ECHDC1: variants seen among roughly 807,000 people sequenced by gnomAD.
ECHDC1 encodes the protein ethylmalonyl-CoA decarboxylase 1.
A neutral mutation model predicts 29.7 loss-of-function variants in ECHDC1; 29 were observed. That is an observed-to-expected ratio of 0.98 (90% confidence interval 0.73 to 1.33). The LOEUF is 1.33. Ranked by LOEUF, ECHDC1 falls within the 40% of genes most tolerant of loss-of-function variation. The probability of loss-of-function intolerance (pLI) is 0.00; values close to 1 mark genes in which losing one functional copy is unlikely to be tolerated. For missense variants in ECHDC1, 328 were observed against 350.0 expected, an observed-to-expected ratio of 0.94 and a Z score of 0.50; for synonymous variants, 126 against 123.1, an observed-to-expected ratio of 1.02 and a Z score of -0.15.
At position 127,288,715 on chromosome 6, in the gene ECHDC1, T is replaced by C. The variant is rs543792350; in HGVS notation, c.*1154A>G. On this transcript the variant is annotated 3_prime_UTR_variant, in exon 6 of 6. Transcript: ENST00000454859. The stretch of plus-strand genomic sequence containing the variant: ...TGAATTCACTTTACACAAAATGTTG[T>C]AGACCACAAAATCCACTTTTATTTG... The C allele has an allele frequency of 3.9e-5, 6 of 155,112 alleles. No individual in the cohort carries two copies. The highest frequency in any genetic ancestry group is 7.4e-5 in the Non-Finnish European group (5 of 67,996). The allele number at this position is 155,112 out of a possible 1,614,324, so 9.6% of individuals were successfully genotyped here.
rs1482345307 is a variant in ECHDC1, at chr6:127,290,213, C to T, written c.562G>A (p.Gly188Ser). ...HKEMGIIPSW[G>S]GTTRLVEIIG... ...ATTTCAACTAGCCGGGTGGTGCCAC[C>T]CCAGCTTGGTATTATGCCCATCTCT... The change falls in exon 6 of 6, where the codon GGT (glycine) becomes AGT (serine). Residue 188 changes from glycine to serine, a missense_variant. Gly to Ser is a moderately conservative substitution (Grantham distance 56, BLOSUM62 0). Coordinates refer to ENST00000454859, the MANE Select transcript of ECHDC1 (RefSeq NM_001002030.2). 1 of 1,613,578 alleles carries T rather than the reference C, an allele frequency of 6.2e-7. No homozygotes were observed. Among genetic ancestry groups the T allele is most frequent in the Non-Finnish European group, 8.5e-7 (1 of 1,179,724 alleles).
chr6:127,316,018 C>G (rs763255870), intron 4 of ECHDC1: 1 of 470,732 alleles, frequency 2.1e-6, no homozygotes, highest in South Asian at 1.5e-5. Context: ...GCTGTAAAAA[C>G]TTTCCAATCC....
intron 5 of ECHDC1, 78 bp from the exon 6 acceptor site, chr6:127,290,355 TG>T: frequency 7.1e-7 from 1 of 1,402,742 alleles, no homozygotes; most frequent in Non-Finnish European, 9.6e-7. Flanking sequence ...ATTCATGATC[TG>T]ATGTGAATTC....
intron 3 of ECHDC1, among the ~76,000 whole-genome samples, chr6:127,316,733 T>C (rs990938329): frequency 6.6e-6 from 1 of 152,012 alleles, no homozygotes; most frequent in Non-Finnish European, 1.5e-5. Context: ...AGCAAAGATG[T>C]AGGGATAAGA....
chr6:127,335,646 T>G (rs1784365301), intron 1 of ECHDC1, among the ~76,000 whole-genome samples: 2 of 152,024 alleles, frequency 1.3e-5, no homozygotes, highest in Admixed American at 1.3e-4. Context: ...AGTCACCAGT[T>G]GCCAGCAGCT....
intron 1 of ECHDC1, among the ~76,000 whole-genome samples, chr6:127,336,307 C>T (rs1464407931): frequency 6.6e-6 from 1 of 152,074 alleles, no homozygotes; most frequent in Non-Finnish European, 1.5e-5. Context: ...CTGCCATATA[C>T]TTAAATAATA....
chr6:127,342,368 C>T (rs548246053), intron 1 of ECHDC1: 7 of 1,548,048 alleles, frequency 4.5e-6, no homozygotes, highest in Middle Eastern at 3.3e-4. Context: ...TGTTTCAATG[C>T]CATGCTTCTT....
intron 5 of ECHDC1, among the ~76,000 whole-genome samples, chr6:127,313,991 T>C (rs893258906): frequency 6.6e-6 from 1 of 152,222 alleles, no homozygotes; most frequent in African/African-American, 2.4e-5. Context: ...GTCAAGTAGA[T>C]AAAAGTGTCA....
At chr6:127,294,029 G>A (rs951740688) in intron 5 of ECHDC1, among the ~76,000 whole-genome samples, 1 of 152,148 alleles carries the variant, frequency 6.6e-6, no homozygotes, top group Non-Finnish European at 1.5e-5. Context: ...TATGGTTGAA[G>A]CAGAAGATTG....
At chr6:127,329,013 T>C (rs1014654423) in intron 2 of ECHDC1, among the ~76,000 whole-genome samples, 4 of 151,772 alleles carry the variant, frequency 2.6e-5, no homozygotes, top group African/African-American at 9.7e-5. Flanking sequence ...GGCGACAGAG[T>C]GAGACTCCAT....
At chr6:127,301,297 A>T (rs986601177) in intron 5 of ECHDC1, among the ~76,000 whole-genome samples, 2 of 152,190 alleles carry the variant, frequency 1.3e-5, no homozygotes, top group Admixed American at 6.5e-5. Context: ...AGAATGCTAC[A>T]TGAGTTCATT....
chr6:127,311,284 C>T (rs1298643833), intron 5 of ECHDC1, among the ~76,000 whole-genome samples: 3 of 152,068 alleles, frequency 2.0e-5, no homozygotes, highest in East Asian at 1.9e-4. Context: ...AAAGCAAAAC[C>T]GTAGTATATG....
intron 1 of ECHDC1, among the ~76,000 whole-genome samples, chr6:127,342,076 A>G (rs560948968): frequency 3.5e-4 from 53 of 152,344 alleles, no homozygotes; most frequent in African/African-American, 1.2e-3. Context: ...TCTACCTGTT[A>G]CATTTTTGTC....
At chr6:127,306,372 G>A (rs893156428) in intron 5 of ECHDC1, among the ~76,000 whole-genome samples, 10 of 151,986 alleles carry the variant, frequency 6.6e-5, no homozygotes, top group African/African-American at 2.2e-4. Context: ...AACACCCCAC[G>A]TTCAGCATTT....
At chr6:127,304,458 A>G (rs911783461) in intron 5 of ECHDC1, among the ~76,000 whole-genome samples, 5 of 152,196 alleles carry the variant, frequency 3.3e-5, no homozygotes, top group Non-Finnish European at 5.9e-5. Context: ...TGTGAAGATT[A>G]TAATAAATAC....
intron 3 of ECHDC1, among the ~76,000 whole-genome samples, chr6:127,317,217 T>C (rs904082907): frequency 2.0e-5 from 3 of 147,338 alleles, no homozygotes; most frequent in East Asian, 2.0e-4. Context: ...GGTTCTCTTA[T>C]TTCTTTGTTT....
intron 2 of ECHDC1, among the ~76,000 whole-genome samples, chr6:127,328,049 G>GC (rs1224241795): frequency 4.6e-5 from 7 of 152,142 alleles, no homozygotes; most frequent in African/African-American, 7.2e-5. Context: ...CCAAAAGATG[G>GC]CCCCATTAAA....
rs953943820 is a variant in ECHDC1, at chr6:127,329,005, C to T, written c.220+1804G>A. On this transcript the variant is annotated intron_variant, in intron 2 of 5. Transcript: ENST00000454859. The stretch of plus-strand genomic sequence containing the variant: ...TCGCGCCACTGCACTCCAGCCTAGG[C>T]GACAGAGTGAGACTCCATCTCAAAA... Among the ~76,000 whole-genome samples, 14 of 151,364 alleles carry T rather than the reference C, an allele frequency of 9.2e-5. No homozygotes were observed. In the East Asian group the frequency reaches 9.7e-4, roughly 10 times the overall value.
chr6:127,311,369 A>T (rs1781883957), intron 5 of ECHDC1, among the ~76,000 whole-genome samples: 1 of 152,120 alleles, frequency 6.6e-6, no homozygotes, highest in African/African-American at 2.4e-5. Flanking sequence ...CACCACAGAA[A>T]TGTTAACCAT....
Sources: allele counts gnomAD v4.1 joint callset (sites outside exome capture counted in the v4.1 genomes callset), GRCh38; gene constraint gnomAD v4.1.1; transcripts MANE v1.5; gene names NCBI Gene and HGNC (gene_info 2026-07-23, HGNC 2026-07-21).